The following TMEM132C variants were observed in gnomAD, a reference collection of about 807,000 sequenced individuals.
TMEM132C encodes protein phosphatase 1, regulatory subunit 152.
In TMEM132C, 29 loss-of-function variants were observed where a neutral mutation model predicts 61.4. The ratio of observed to expected loss-of-function variants is 0.47; its 90% CI spans 0.35 to 0.64. The LOEUF is 0.64. TMEM132C is among the 30% of genes least tolerant of loss of function. The pLI, the probability that TMEM132C is intolerant of heterozygous loss-of-function variation, is 0.00. For synonymous variants in TMEM132C, 656 were observed against 633.1 expected (o/e 1.04, Z -0.54); for missense variants, 1,408 against 1,476.9 (o/e 0.95, Z 0.76).
intron 3 of TMEM132C, among the ~76,000 whole-genome samples, chr12:128,552,999 GT>G (rs1341524317): frequency 6.6e-6 from 1 of 152,228 alleles, no homozygotes; most frequent in Non-Finnish European, 1.5e-5. Flanking sequence ...TGCCTTGGAG[GT>G]TAGAGAAAGG....
rs1029021516 is a variant in TMEM132C, at chr12:128,474,692, A to G, written c.974+59072A>G. ...ACATCCCGGGAGAAGAAATTACAAT[A>G]TAGCCCGTTTGTGCCACTCCATGCA... On this transcript the variant is annotated intron_variant, in intron 2 of 8. Transcript: ENST00000435159. 3.3e-5 allele frequency among the ~76,000 whole-genome samples: 5 copies of G among 152,196 alleles called. No homozygotes were observed. The South Asian group carries it at 6.2e-4, about 19-fold the overall frequency.
At chr12:128,479,069 A>T (rs926744963) in intron 2 of TMEM132C, among the ~76,000 whole-genome samples, 1 of 152,236 alleles carries the variant, frequency 6.6e-6, no homozygotes, top group Admixed American at 6.5e-5. Flanking sequence ...TTGCAAGGAC[A>T]TGGATGGAGC....
At chr12:128,521,284 C>CCA (rs2136127498) in intron 2 of TMEM132C, among the ~76,000 whole-genome samples, 1 of 148,786 alleles carries the variant, frequency 6.7e-6, no homozygotes, top group Admixed American at 6.9e-5. Flanking sequence ...TCTGAGATGA[C>CCA]ATCTGTGCTT....
chr12:128,345,638 T>C (rs1355774345), intron 1 of TMEM132C, among the ~76,000 whole-genome samples: 1 of 143,530 alleles, frequency 7.0e-6, no homozygotes, highest in Non-Finnish European at 1.5e-5. Context: ...CCATTGCAGT[T>C]TTGAATTACA....
At chr12:128,436,360 G>A (rs952428139) in intron 2 of TMEM132C, among the ~76,000 whole-genome samples, 51 of 152,152 alleles carry the variant, frequency 3.4e-4, no homozygotes, top group African/African-American at 1.0e-3. Context: ...GCATGAACAG[G>A]CAACCTACAG....
chr12:128,304,802 T>C (rs1871712869), intron 1 of TMEM132C, among the ~76,000 whole-genome samples: 1 of 152,158 alleles, frequency 6.6e-6, no homozygotes, highest in Non-Finnish European at 1.5e-5. Flanking sequence ...GCTTTGTAGG[T>C]TCAGAGGTGG....
intron 3 of TMEM132C, among the ~76,000 whole-genome samples, chr12:128,584,438 C>T (rs567058180): frequency 6.6e-6 from 1 of 152,310 alleles, no homozygotes; most frequent in Admixed American, 6.5e-5. Context: ...TGTATTTTTG[C>T]CCTTAGCATA....
intron 4 of TMEM132C, among the ~76,000 whole-genome samples, chr12:128,641,961 A>ATTTTTTTTT (rs34283461): frequency 7.8e-6 from 1 of 128,738 alleles, no homozygotes; most frequent in Non-Finnish European, 1.6e-5. Flanking sequence ...TGCCCGGCTA[A>ATTTTTTTTT]TTTTTTTTTT....
intron 4 of TMEM132C, among the ~76,000 whole-genome samples, chr12:128,637,715 G>A (rs1008374643): frequency 1.3e-5 from 2 of 151,980 alleles, no homozygotes; most frequent in African/African-American, 4.8e-5. Flanking sequence ...TGTTCCTCTC[G>A]CCACGATACA....
chr12:128,415,147 G>A lies in TMEM132C; in HGVS notation c.501G>A (p.Leu167=). Residue 167 remains leucine, a synonymous_variant, in exon 2 of 9, where the codon CTG becomes CTA. Coordinates refer to ENST00000435159, the MANE Select transcript of TMEM132C (RefSeq NM_001136103.3). The surrounding 1 kb of genome is among the most constrained non-coding windows in gnomAD (Gnocchi z 5.8). ...ATGACCACGGCGCCGGGGAGAAGCT[G>A]CCATGCCTGAGGGTCTTTGCTTTCC... is the stretch of plus-strand genomic sequence containing the variant. ...DWDDHGAGEK[L]PCLRVFAFRE... 2.5e-6 allele frequency: 4 copies of A among 1,610,836 alleles called. No homozygotes were observed. The highest frequency in any genetic ancestry group is 3.4e-6 in the Non-Finnish European group (4 of 1,178,524).
At chr12:128,512,792 C>T (rs1001879307) in intron 2 of TMEM132C, among the ~76,000 whole-genome samples, 11 of 152,306 alleles carry the variant, frequency 7.2e-5, no homozygotes, top group East Asian at 1.9e-4. Context: ...CACACTGCAG[C>T]GAGAAGGTGT....
At chr12:128,458,342 T>G (rs913943411) in intron 2 of TMEM132C, among the ~76,000 whole-genome samples, 3 of 149,512 alleles carry the variant, frequency 2.0e-5, no homozygotes, top group Non-Finnish European at 1.5e-5. Context: ...ATAGTATATA[T>G]TATAAACACT....
In TMEM132C at chr12:128,303,264, A is replaced by G. The variant is rs117518465; in HGVS notation, c.85+35777A>G. 5.6e-4 allele frequency among the ~76,000 whole-genome samples: 85 copies of G among 152,364 alleles called. No homozygotes were observed. The East Asian group carries it at 0.016, about 28-fold the overall frequency. On this transcript the variant is annotated intron_variant, in intron 1 of 8. Coordinates refer to ENST00000435159, the MANE Select transcript of TMEM132C (RefSeq NM_001136103.3). The stretch of plus-strand genomic sequence containing the variant: ...CTATGACAGCAGGAATACAAAATTT[A>G]TCAGTAAAAATGAGTCCAAATTTTA...
In TMEM132C at chr12:128,415,814, G is replaced by A. The variant is rs962914563; in HGVS notation, c.974+194G>A. On this transcript the variant is annotated intron_variant, in intron 2 of 8. Transcript: ENST00000435159. The surrounding 1 kb of genome is among the most constrained non-coding windows in gnomAD (Gnocchi z 5.8). ...CCCTCCTTACACCGTGGGTTATGGA[G>A]GGAAGAAGAGGCAAAGGGCGGGCAG... Among the ~76,000 whole-genome samples, 1 of 152,162 alleles carries A rather than the reference G, an allele frequency of 6.6e-6. No individual in the cohort carries two copies. The highest frequency in any genetic ancestry group is 2.4e-5 in the African/African-American group (1 of 41,450).
At chr12:128,274,327 C>G (rs1328804075) in intron 1 of TMEM132C, among the ~76,000 whole-genome samples, 1 of 132,342 alleles carries the variant, frequency 7.6e-6, no homozygotes, top group Non-Finnish European at 1.7e-5. Context: ...CTATGTATAA[C>G]ATTTTTTTCT....
intron 4 of TMEM132C, among the ~76,000 whole-genome samples, chr12:128,642,073 G>A (rs894715801): frequency 1.3e-5 from 2 of 151,360 alleles, no homozygotes; most frequent in African/African-American, 2.4e-5. Context: ...AGAGTGCTGG[G>A]ATTACAGGCA....
chr12:128,269,197 G>C (rs1870426081), intron 1 of TMEM132C, among the ~76,000 whole-genome samples: 1 of 152,156 alleles, frequency 6.6e-6, no homozygotes. Context: ...GGGTAGTAAA[G>C]CACTTTGCAG....
intron 3 of TMEM132C, among the ~76,000 whole-genome samples, chr12:128,593,649 T>A (rs372608503): frequency 6.6e-6 from 1 of 152,156 alleles, no homozygotes; most frequent in Non-Finnish European, 1.5e-5. Context: ...TACGGCATTG[T>A]TTTGAGGACT....
intron 2 of TMEM132C, among the ~76,000 whole-genome samples, chr12:128,489,753 G>C (rs116289564): frequency 0.011 from 1,656 of 151,856 alleles, 22 homozygotes; most frequent in African/African-American, 0.038. Context: ...AAATTTTCTC[G>C]CCTCACTCAG....
Sources: gnomAD v4.1 joint callset for allele counts (sites outside exome capture counted in the v4.1 genomes callset) on GRCh38, gnomAD v4.1.1 for gene constraint, Gnocchi (gnomAD v3.1) non-coding constraint, MANE v1.5 for transcripts, NCBI Gene and HGNC (gene_info 2026-07-23, HGNC 2026-07-21) for gene names.